TTC1: variants seen among roughly 807,000 people sequenced by gnomAD.
TTC1 encodes the protein tetratricopeptide repeat protein 1.
Under a neutral mutation model 37.6 loss-of-function variants are expected in TTC1, and 31 were observed. The ratio of observed to expected loss-of-function variants is 0.82; its 90% CI spans 0.62 to 1.11. The LOEUF (loss-of-function observed/expected upper bound fraction) is 1.11. Ranked by LOEUF, TTC1 falls within the 50% of genes most tolerant of loss-of-function variation. TTC1 has a pLI of 0.00. For missense variants in TTC1, 351 were observed against 339.0 expected, an observed-to-expected ratio of 1.04 and a Z score of -0.28; for synonymous variants, 127 against 122.4, an observed-to-expected ratio of 1.04 and a Z score of -0.25.
chr5:160,036,916 A>G (rs1015619747), intron 4 of TTC1, 113 bp downstream of exon 4: 1 of 683,022 alleles, frequency 1.5e-6, no homozygotes, highest in African/African-American at 1.8e-5. Context: ...TTTCCTGCCC[A>G]TATATTTCCC....
rs1371281710 is a variant in TTC1, at chr5:160,049,672, A to C, written c.690+10A>C. ...AAGAGAAGCTTGTATGGTAAAACCT[A>C]AAATTTTAAAAATATTTTTCCTTCT... On this transcript the variant is annotated intron_variant, in intron 6 of 7. Coordinates refer to ENST00000231238, the MANE Select transcript of TTC1 (RefSeq NM_003314.3). The C allele has an allele frequency of 1.9e-6, 3 of 1,550,414 alleles. No individual in the cohort carries two copies. Among genetic ancestry groups the C allele is most frequent in the Middle Eastern group, 2.2e-4 (1 of 4,554 alleles).
chr5:160,026,839 T>C (rs550107806), intron 2 of TTC1, among the ~76,000 whole-genome samples: 4 of 152,316 alleles, frequency 2.6e-5, no homozygotes, highest in African/African-American at 9.6e-5. Flanking sequence ...CTTTTACAAG[T>C]CTCATGTGTT....
At chr5:160,041,931 CT>C (rs201024356) in intron 4 of TTC1, among the ~76,000 whole-genome samples, 7 of 151,632 alleles carry the variant, frequency 4.6e-5, no homozygotes, top group African/African-American at 7.3e-5. Flanking sequence ...ACTCCTGAAA[CT>C]TTTTTTTTAT....
chr5:160,032,299 T>G (rs1192876668), intron 2 of TTC1, among the ~76,000 whole-genome samples: 1 of 152,218 alleles, frequency 6.6e-6, no homozygotes, highest in Non-Finnish European at 1.5e-5. Context: ...CTAAAGAAAT[T>G]GAAAACTCTT....
intron 2 of TTC1, among the ~76,000 whole-genome samples, chr5:160,012,644 C>T (rs143116919): frequency 1.1e-3 from 164 of 152,320 alleles, no homozygotes; most frequent in Middle Eastern, 3.4e-3. Flanking sequence ...GCTGGGATTA[C>T]AGGCGTGAAC....
At chr5:160,022,062 G>A (rs998260918) in intron 2 of TTC1, among the ~76,000 whole-genome samples, 3 of 152,190 alleles carry the variant, frequency 2.0e-5, no homozygotes, top group Non-Finnish European at 4.4e-5. Flanking sequence ...ATGGACATAA[G>A]CTTGCCGGAG....
At chr5:160,036,661 A>G (rs1757003653) in intron 3 of TTC1, 30 bp from the exon 4 acceptor site, 1 of 1,451,416 alleles carries the variant, frequency 6.9e-7, no homozygotes, top group Non-Finnish European at 9.7e-7. Flanking sequence ...TAAAATCAAA[A>G]TGACCATTCA....
chr5:160,060,472 A>T (rs1757668843), intron 7 of TTC1, among the ~76,000 whole-genome samples: 1 of 152,140 alleles, frequency 6.6e-6, no homozygotes, highest in Non-Finnish European at 1.5e-5. Context: ...GATAGACGAG[A>T]TCCTAATAGT....
intron 5 of TTC1, 53 bp from the exon 6 acceptor site, chr5:160,049,461 G>T: frequency 1.4e-6 from 2 of 1,474,914 alleles, no homozygotes; most frequent in East Asian, 4.8e-5. Flanking sequence ...TATAGCCAAA[G>T]ATATGTAGGC....
rs147310199 is a variant in TTC1, at chr5:160,049,880, C to A, written c.690+218C>A. 7.5e-3 allele frequency among the ~76,000 whole-genome samples: 1,141 copies of A among 151,978 alleles called. 8 individuals are homozygous for A. Among genetic ancestry groups the A allele is most frequent in the Non-Finnish European group, 0.013 (895 of 67,980 alleles). ...ATCACTTGAGGCCAGGAGCTCGAGACCAGCCTGGCCAACACAACAAAACCC... is the reference window on the plus strand; with the variant it reads ...ATCACTTGAGGCCAGGAGCTCGAGAACAGCCTGGCCAACACAACAAAACCC... On this transcript the variant is annotated intron_variant, in intron 6 of 7. Transcript: ENST00000231238.
At chr5:160,021,760 ATAAT>A (rs1018802432) in intron 2 of TTC1, among the ~76,000 whole-genome samples, 92 of 152,326 alleles carry the variant, frequency 6.0e-4, no homozygotes, top group African/African-American at 2.1e-3. Flanking sequence ...TCCCTTCAAA[ATAAT>A]TATAGAACTG....
intron 1 of TTC1, 83 bp from the exon 2 acceptor site, chr5:160,010,417 T>C (rs575661948): frequency 1.2e-6 from 1 of 831,764 alleles, no homozygotes; most frequent in East Asian, 2.6e-5. Flanking sequence ...TTGGCTGTAA[T>C]GCAGAGGTTT....
rs140031151 is a variant in TTC1, at chr5:160,023,723, C to G, written c.331-11417C>G. On this transcript the variant is annotated intron_variant, in intron 2 of 7. Coordinates refer to ENST00000231238, the MANE Select transcript of TTC1 (RefSeq NM_003314.3). Reference sequence around the variant, plus strand: ...TCACATGTTGCCTAATCTTTCCACTCCTATGTGCTTCTTCTTGTGCTTCTT... The same window carrying G: ...TCACATGTTGCCTAATCTTTCCACTGCTATGTGCTTCTTCTTGTGCTTCTT... 2.9e-5 allele frequency: 46 copies of G among 1,605,756 alleles called. No individual in the cohort carries two copies. The Middle Eastern group carries it at 6.5e-4, about 23-fold the overall frequency.
chr5:160,040,162 GGTAA>G (rs1174229374), intron 4 of TTC1, among the ~76,000 whole-genome samples: 6 of 152,146 alleles, frequency 3.9e-5, no homozygotes, highest in African/African-American at 1.4e-4. Flanking sequence ...GGAACACAAT[GGTAA>G]GTATTTGTGT....
intron 1 of TTC1, among the ~76,000 whole-genome samples, 161 bp from the exon 2 acceptor site, chr5:160,010,339 A>G (rs1334636122): frequency 6.6e-6 from 1 of 151,540 alleles, no homozygotes; most frequent in African/African-American, 2.4e-5. Flanking sequence ...ATTTGACATT[A>G]TTATTACTTA....
At chr5:160,043,435 A>G (rs1035729474) in intron 5 of TTC1, among the ~76,000 whole-genome samples, 1 of 152,222 alleles carries the variant, frequency 6.6e-6, no homozygotes, top group Non-Finnish European at 1.5e-5. Flanking sequence ...TGTCTGTACC[A>G]AAAATACGAA....
rs141975157 is a variant in TTC1 at position 160,042,687 on chromosome 5, CTG to C, written c.505-440_505-439del. Among the ~76,000 whole-genome samples, 1,157 of 152,326 alleles carry C rather than the reference CTG, an allele frequency of 7.6e-3. 17 individuals are homozygous for C. The highest frequency in any genetic ancestry group is 0.027 in the African/African-American group (1,108 of 41,562). On this transcript the variant is annotated intron_variant, in intron 4 of 7. Transcript: ENST00000231238. ...AACTGAGACTACATGACAAGCCACA[CTG>C]TGTGTCTGTAGGTGGAGCATCTGTA...
At chr5:160,027,005 T>C (rs1011686412) in intron 2 of TTC1, among the ~76,000 whole-genome samples, 2 of 152,052 alleles carry the variant, frequency 1.3e-5, no homozygotes, top group Non-Finnish European at 2.9e-5. Context: ...TAGTCTACTT[T>C]AGTTTTTCGG....
intron 7 of TTC1, among the ~76,000 whole-genome samples, chr5:160,054,524 T>C (rs1484043351): frequency 6.6e-6 from 1 of 151,864 alleles, no homozygotes; most frequent in Non-Finnish European, 1.5e-5. Context: ...CTGAGGTGGA[T>C]TGCCTTAGTC....
Sources: gnomAD v4.1 joint callset for allele counts (sites outside exome capture counted in the v4.1 genomes callset) on GRCh38, gnomAD v4.1.1 for gene constraint, MANE v1.5 for transcripts, NCBI Gene and HGNC (gene_info 2026-07-23, HGNC 2026-07-21) for gene names.